Variants in DPP9 observed in about 807,000 individuals in gnomAD.
The protein encoded by DPP9 is dipeptidyl peptidase IV-related protein-2.
Under a neutral mutation model 110.7 loss-of-function variants are expected in DPP9, and 50 were observed. The observed-to-expected ratio is 0.45, with a 90% CI of 0.36 to 0.57. The LOEUF is 0.57. DPP9 is among the 20% of genes least tolerant of loss of function. DPP9 has a pLI of 0.00. For missense variants in DPP9, 1,022 were observed against 1,217.9 expected (o/e 0.84, Z 2.39); for synonymous variants, 561 against 514.4 (o/e 1.09, Z -1.23).
intron 11 of DPP9, among the ~76,000 whole-genome samples, chr19:4,696,638 A>G (rs1311192737): frequency 6.6e-6 from 1 of 151,970 alleles, no homozygotes; most frequent in Non-Finnish European, 1.5e-5. Context: ...ACGTGCCTGT[A>G]CTCGGGAGGC....
Position 4,688,532 on chromosome 19 carries a change from C to T in DPP9, c.1885+225G>A, listed in dbSNP as rs934755363. 5.5e-5 allele frequency: 27 copies of T among 492,938 alleles called. 1 individual carries two copies. The Admixed American group carries it at 5.7e-4, about 10-fold the overall frequency. 30.5% of individuals were successfully genotyped at this position (492,938 alleles called of 1,614,324 possible). Reference sequence around the variant, plus strand: ...AGCTGCATCCCTGCCGGGTTCTGTGCAGTCCGGCCCTTTACTGCAGCTCGA... The same window carrying T: ...AGCTGCATCCCTGCCGGGTTCTGTGTAGTCCGGCCCTTTACTGCAGCTCGA... On this transcript the variant is annotated intron_variant, in intron 16 of 21. Coordinates refer to ENST00000262960, the MANE Select transcript of DPP9 (RefSeq NM_139159.5).
chr19:4,699,580 C>T (rs2092087314), intron 10 of DPP9, among the ~76,000 whole-genome samples: 1 of 152,072 alleles, frequency 6.6e-6, no homozygotes, highest in South Asian at 2.1e-4. Context: ...CAGGTGTGGT[C>T]TGCTGGTGAC....
rs1376730589 is a variant in DPP9 at position 4,695,525 on chromosome 19, C to T, written c.1206G>A (p.Gln402=). The T allele has an allele frequency of 1.3e-6, 2 of 1,521,558 alleles. No homozygotes were observed. Among genetic ancestry groups the T allele is most frequent in the Admixed American group, 2.2e-5 (1 of 45,820 alleles). The allele number at this position is 1,521,558 out of a possible 1,614,324, so 94.3% of individuals were successfully genotyped here. A position where few individuals can be genotyped will look rare whatever the true frequency, so the allele number is the denominator to read the frequency against. ...GGAGGAGGACGAGCTGGAGCCACTG[C>T]TGGGGCCGGTCCAGGAACATGGCCC... is the stretch of plus-strand genomic sequence containing the variant. ...YAWAMFLDRP[Q]QWLQLVLLPP... Residue 402 remains glutamine (Q), a synonymous_variant, in exon 12 of 22, where the codon CAG becomes CAA. Coordinates refer to ENST00000262960, the MANE Select transcript of DPP9 (RefSeq NM_139159.5). This position sits in a 1 kb window ranked among gnomAD's most constrained non-coding sequence, Gnocchi z 4.7.
intron 2 of DPP9, among the ~76,000 whole-genome samples, chr19:4,721,571 T>C (rs2093324161): frequency 6.6e-6 from 1 of 152,118 alleles, no homozygotes; most frequent in South Asian, 2.1e-4. Flanking sequence ...ACCTGAGGTC[T>C]GGAGTTCGAG....
intron 3 of DPP9, chr19:4,715,646 G>A (rs1319271648): frequency 1.3e-5 from 2 of 152,192 alleles, no homozygotes; most frequent in African/African-American, 4.8e-5. Flanking sequence ...GTGAAGGAAT[G>A]AAAATCCATC....
At chr19:4,702,423 T>C (rs1303934687) in intron 8 of DPP9, among the ~76,000 whole-genome samples, 180 bp downstream of exon 8, 3 of 152,168 alleles carry the variant, frequency 2.0e-5, no homozygotes, top group African/African-American at 7.2e-5. Context: ...CGGGCTGAAC[T>C]GTGTCCCCTC....
Position 4,683,771 on chromosome 19 carries a change from T to A in DPP9, c.2179-142A>T, listed in dbSNP as rs570495616. ...GGAAGCCCCCTGTCCTTCCAGGCCC[T>A]GCTAACCCTGCCTGCTATCTGGGGA... On this transcript the variant is annotated intron_variant, in intron 18 of 21. Coordinates refer to ENST00000262960, the MANE Select transcript of DPP9 (RefSeq NM_139159.5). 2.6e-4 allele frequency: 414 copies of A among 1,568,360 alleles called. 3 individuals are homozygous for A. The African/African-American group carries it at 4.0e-3, about 15-fold the overall frequency.
At chr19:4,688,702 C>G in intron 16 of DPP9, 55 bp downstream of exon 16, 1 of 1,370,496 alleles carries the variant, frequency 7.3e-7, no homozygotes, top group Non-Finnish European at 9.4e-7. Flanking sequence ...GCCCTCGTCC[C>G]GTTTTACAGC....
chr19:4,688,085 C>A (rs577412288), intron 16 of DPP9, among the ~76,000 whole-genome samples: 2 of 152,100 alleles, frequency 1.3e-5, no homozygotes, highest in East Asian at 3.9e-4. Flanking sequence ...CATGAGCCAC[C>A]GCGCCTGGCC....
chr19:4,705,140 G>A (rs554123766), intron 5 of DPP9, among the ~76,000 whole-genome samples: 15 of 152,292 alleles, frequency 9.8e-5, no homozygotes, highest in African/African-American at 2.6e-4. Flanking sequence ...GGAGTGTCAC[G>A]ATCTCAGCCA....
Position 4,685,410 on chromosome 19 carries a change from A to C in DPP9, c.2031+216T>G, listed in dbSNP as rs920939589. ...GCGGAGGGGGAAGGGGAGGCCATCC[A>C]GGAAGGGCGGGGAGCGTGCAAACGG... is the stretch of plus-strand genomic sequence containing the variant. On this transcript the variant is annotated intron_variant, in intron 17 of 21. Transcript: ENST00000262960. The surrounding 1 kb of genome is among the most constrained non-coding windows in gnomAD (Gnocchi z 5.8). The C allele has an allele frequency of 3.0e-6, 2 of 674,732 alleles. No individual in the cohort carries two copies. Among genetic ancestry groups the C allele is most frequent in the African/African-American group, 3.5e-5 (2 of 56,618 alleles). 41.8% of individuals were successfully genotyped at this position (674,732 alleles called of 1,614,324 possible).
chr19:4,721,051 TG>T (rs1480604436), intron 2 of DPP9, among the ~76,000 whole-genome samples: 7 of 152,216 alleles, frequency 4.6e-5, no homozygotes, highest in African/African-American at 1.7e-4. Flanking sequence ...GGGTCTCACC[TG>T]GGGATAACCG....
chr19:4,692,503 G>A (rs1481790735), intron 13 of DPP9, among the ~76,000 whole-genome samples: 1 of 152,148 alleles, frequency 6.6e-6, no homozygotes, highest in South Asian at 2.1e-4. Flanking sequence ...TCCTTCTGAT[G>A]CAATGTCACT....
intron 16 of DPP9, among the ~76,000 whole-genome samples, chr19:4,686,478 T>C (rs2090737332): frequency 6.6e-6 from 1 of 151,744 alleles, no homozygotes; most frequent in Non-Finnish European, 1.5e-5. Context: ...CGCCACCACA[T>C]TTGGCTAATT....
intron 4 of DPP9, among the ~76,000 whole-genome samples, chr19:4,709,219 GTTGT>G (rs928363647): frequency 4.6e-5 from 7 of 151,878 alleles, no homozygotes; most frequent in Non-Finnish European, 7.4e-5. Flanking sequence ...CACCCGGCCA[GTTGT>G]TTGTTTGTTT....
intron 4 of DPP9, among the ~76,000 whole-genome samples, chr19:4,707,076 G>A (rs2092620937): frequency 6.6e-6 from 1 of 152,206 alleles, no homozygotes; most frequent in African/African-American, 2.4e-5. Flanking sequence ...CGAAGCTTCT[G>A]TAGAAAATGA....
chr19:4,689,623 C>T lies in DPP9; in HGVS notation c.1696G>A (p.Glu566Lys), dbSNP rs200229921. ...CCGGGCGTGGTGAGGCGTACGATCT[C>T]GCCGGCCGCCTCATAGCTGACCACG... ...LYVVSYEAAG[E>K]IVRLTTPGFS... The change falls in exon 15 of 22, where the codon GAG becomes AAG. Residue 566 changes from glutamate to lysine, a missense_variant. Physicochemically the swap from Glu to Lys is moderately conservative, Grantham distance 56. Transcript: ENST00000262960. This position sits in a 1 kb window ranked among gnomAD's most constrained non-coding sequence, Gnocchi z 7.0. 3.4e-3 allele frequency: 5,323 copies of T among 1,572,348 alleles called. 16 individuals carry two copies. Among genetic ancestry groups the T allele is most frequent in the Middle Eastern group, 5.2e-3 (31 of 5,938 alleles).
rs1323199888 is a variant in DPP9, at chr19:4,694,999, A to T, written c.1354-176T>A. 3.1e-6 allele frequency: 2 copies of T among 642,498 alleles called. No homozygotes were observed. Among genetic ancestry groups the T allele is most frequent in the Non-Finnish European group, 5.3e-6 (2 of 376,702 alleles). 39.8% of individuals were successfully genotyped at this position (642,498 alleles called of 1,614,324 possible). ...ACCCCACCTCTAAAAATAAATAAAT[A>T]AATTAGCCAGGCATGGTGGTGCAGG... On this transcript the variant is annotated intron_variant, in intron 12 of 21. Transcript: ENST00000262960. The surrounding 1 kb of genome is among the most constrained non-coding windows in gnomAD (Gnocchi z 4.0).
At position 4,683,643 on chromosome 19, in the gene DPP9, C is replaced by G; in HGVS notation, c.2179-14G>C. On this transcript the variant is annotated splice_polypyrimidine_tract_variant and intron_variant, in intron 18 of 21. Transcript: ENST00000262960. Reference sequence around the variant, plus strand: ...CTCCACCTGGCCCTGAGGGATGAAGCCGGGCACCTCTCAGTGGCCTCCTCC... The same window carrying G: ...CTCCACCTGGCCCTGAGGGATGAAGGCGGGCACCTCTCAGTGGCCTCCTCC... The G allele has an allele frequency of 3.7e-6, 6 of 1,613,320 alleles. No homozygotes were observed. Among genetic ancestry groups the G allele is most frequent in the Non-Finnish European group, 5.1e-6 (6 of 1,179,846 alleles).
Sources: gnomAD v4.1 joint callset for allele counts (sites outside exome capture counted in the v4.1 genomes callset) on GRCh38, gnomAD v4.1.1 for gene constraint, Gnocchi (gnomAD v3.1) non-coding constraint, MANE v1.5 for transcripts, NCBI Gene and HGNC (gene_info 2026-07-23, HGNC 2026-07-21) for gene names.